The following CCSER1 variants were observed in gnomAD, a reference collection of about 807,000 sequenced individuals.
The protein encoded by CCSER1 is coiled-coil serine rich protein 1.
Under a neutral mutation model 82.0 loss-of-function variants are expected in CCSER1, and 41 were observed. The ratio of observed to expected loss-of-function variants is 0.50; its 90% confidence interval spans 0.39 to 0.65. The LOEUF (loss-of-function observed/expected upper bound fraction) is 0.65. Among genes scored for constraint, CCSER1 ranks in the 30% least tolerant of loss-of-function variants. The probability of loss-of-function intolerance (pLI) is 0.00; values close to 1 mark genes in which losing one functional copy is unlikely to be tolerated. For synonymous variants in CCSER1, 414 were observed against 383.9 expected, an observed-to-expected ratio of 1.08 and a Z score of -0.92; for missense variants, 1,119 against 1,064.2, an observed-to-expected ratio of 1.05 and a Z score of -0.72.
intron 5 of CCSER1, among the ~76,000 whole-genome samples, chr4:90,568,786 A>G (rs1299057792): frequency 7.3e-6 from 1 of 137,426 alleles, no homozygotes; most frequent in Non-Finnish European, 1.5e-5. Flanking sequence ...CCTTTTTGAG[A>G]CAGTCTCACT....
intron 1 of CCSER1, among the ~76,000 whole-genome samples, chr4:90,241,653 T>G (rs1746862213): frequency 6.6e-6 from 1 of 152,164 alleles, no homozygotes; most frequent in Non-Finnish European, 1.5e-5. Context: ...GGGTGTTATT[T>G]TTTTTTCTTT....
intron 1 of CCSER1, among the ~76,000 whole-genome samples, chr4:90,295,762 C>CA (rs1731770667): frequency 6.6e-6 from 1 of 152,010 alleles, no homozygotes; most frequent in Admixed American, 6.6e-5. Context: ...CCAGAGCTTT[C>CA]CCATGGGATC....
At chr4:91,042,932 G>C (rs1398757764) in intron 9 of CCSER1, among the ~76,000 whole-genome samples, 1 of 152,066 alleles carries the variant, frequency 6.6e-6, no homozygotes, top group Non-Finnish European at 1.5e-5. Flanking sequence ...AAACCATCTG[G>C]TTTTGCCCAA....
chr4:90,135,032 C>T (rs1052531994), intron 1 of CCSER1, among the ~76,000 whole-genome samples: 18 of 152,154 alleles, frequency 1.2e-4, no homozygotes, highest in Non-Finnish European at 2.2e-4. Flanking sequence ...TCACTTATGG[C>T]TTATTTTGTA....
intron 10 of CCSER1, among the ~76,000 whole-genome samples, chr4:91,315,682 AAAGCAT>A (rs1422055093): frequency 6.6e-6 from 1 of 152,006 alleles, no homozygotes; most frequent in African/African-American, 2.4e-5. Flanking sequence ...AATAATTTGT[AAAGCAT>A]AAGGATAAAA....
At chr4:91,263,626 A>G (rs1741356967) in intron 10 of CCSER1, among the ~76,000 whole-genome samples, 1 of 152,034 alleles carries the variant, frequency 6.6e-6, no homozygotes. Context: ...TTATATGCCA[A>G]GATGATGACA....
intron 7 of CCSER1, among the ~76,000 whole-genome samples, chr4:90,738,528 G>C (rs1746026659): frequency 6.6e-6 from 1 of 152,086 alleles, no homozygotes; most frequent in Non-Finnish European, 1.5e-5. Context: ...AAGCACCCCT[G>C]TTGCCACCTC....
At chr4:90,819,312 G>T (rs550562421) in intron 8 of CCSER1, among the ~76,000 whole-genome samples, 4 of 152,048 alleles carry the variant, frequency 2.6e-5, no homozygotes, top group Non-Finnish European at 5.9e-5. Context: ...TCATCACGCC[G>T]GGAGTCAGGG....
intron 10 of CCSER1, among the ~76,000 whole-genome samples, chr4:91,589,726 C>A (rs55763050): frequency 6.6e-6 from 1 of 151,824 alleles, no homozygotes; most frequent in South Asian, 2.1e-4. Context: ...ATTTAGAAAT[C>A]ACATATTTCT....
At chr4:91,201,061 C>T (rs1455603722) in intron 10 of CCSER1, among the ~76,000 whole-genome samples, 1 of 151,906 alleles carries the variant, frequency 6.6e-6, no homozygotes, top group Admixed American at 6.6e-5. Context: ...TGTGTTAAAC[C>T]CTATAGGTAC....
At chr4:91,053,663 C>A (rs960034282) in intron 9 of CCSER1, among the ~76,000 whole-genome samples, 1 of 152,188 alleles carries the variant, frequency 6.6e-6, no homozygotes, top group Non-Finnish European at 1.5e-5. Flanking sequence ...TTTCCATCCC[C>A]AGATGCAATC....
chr4:91,387,925 A>G lies in CCSER1; in HGVS notation c.2218-210647A>G, dbSNP rs969937823. ...TCTATAGGACTTTAGACTATTATTC[A>G]TGAAATGTAGAAAAAAAATGTTACT... On this transcript the variant is annotated intron_variant, in intron 10 of 10. Transcript: ENST00000509176. Among the ~76,000 whole-genome samples the G allele has an allele frequency of 2.8e-4, 42 of 152,110 alleles. 1 individual carries two copies. The highest frequency in any genetic ancestry group is 9.9e-4 in the African/African-American group (41 of 41,458).
chr4:90,606,361 A>G (rs956634580), intron 5 of CCSER1, among the ~76,000 whole-genome samples: 4 of 152,218 alleles, frequency 2.6e-5, no homozygotes, highest in Non-Finnish European at 4.4e-5. Flanking sequence ...TTGTAATACA[A>G]TGGTAAAATA....
chr4:91,339,049 C>T (rs994961531), intron 10 of CCSER1, among the ~76,000 whole-genome samples: 5 of 152,060 alleles, frequency 3.3e-5, no homozygotes, highest in African/African-American at 9.7e-5. Flanking sequence ...ATTCTTCTGA[C>T]TTTTGGTCCA....
At chr4:90,696,409 A>C (rs1193624886) in intron 6 of CCSER1, among the ~76,000 whole-genome samples, 1 of 151,782 alleles carries the variant, frequency 6.6e-6, no homozygotes, top group Non-Finnish European at 1.5e-5. Flanking sequence ...TTTTTTTTTA[A>C]TGCCATGAAG....
intron 10 of CCSER1, among the ~76,000 whole-genome samples, chr4:91,389,778 G>A (rs2149348235): frequency 6.6e-6 from 1 of 152,006 alleles, no homozygotes; most frequent in Middle Eastern, 3.4e-3. Flanking sequence ...TTTGCCTCAT[G>A]TAAATCTTGT....
intron 5 of CCSER1, among the ~76,000 whole-genome samples, chr4:90,495,200 A>G (rs991186494): frequency 2.6e-5 from 4 of 152,116 alleles, no homozygotes; most frequent in Non-Finnish European, 4.4e-5. Flanking sequence ...ATTGGATTCT[A>G]TATTGGAACG....
chr4:91,163,076 T>C (rs547872564), intron 10 of CCSER1, among the ~76,000 whole-genome samples: 9 of 152,366 alleles, frequency 5.9e-5, no homozygotes, highest in African/African-American at 2.2e-4. Context: ...TTTAGTGCTA[T>C]AAATTTCCCT....
At chr4:90,633,256 T>C (rs1339679696) in intron 6 of CCSER1, among the ~76,000 whole-genome samples, 1 of 152,112 alleles carries the variant, frequency 6.6e-6, no homozygotes, top group African/African-American at 2.4e-5. Context: ...AAACAAATGA[T>C]AAACTTGAGT....
Sources: allele counts gnomAD v4.1 joint callset (sites outside exome capture counted in the v4.1 genomes callset), GRCh38; gene constraint gnomAD v4.1.1; transcripts MANE v1.5; gene names NCBI Gene and HGNC (gene_info 2026-07-23, HGNC 2026-07-21).